Variants in PHACTR1 observed in about 807,000 individuals in gnomAD.
PHACTR1 encodes RPEL repeat containing 1.
A neutral mutation model predicts 69.2 loss-of-function variants in PHACTR1; 16 were observed. The ratio of observed to expected loss-of-function variants is 0.23; its 90% CI spans 0.16 to 0.35. PHACTR1 has a LOEUF of 0.35. Among genes scored for constraint, PHACTR1 ranks in the 10% least tolerant of loss-of-function variants. The pLI, the probability that PHACTR1 is intolerant of heterozygous loss-of-function variation, is 1.00. For missense variants in PHACTR1, 510 were observed against 734.7 expected (o/e 0.69, Z 3.54); for synonymous variants, 312 against 284.5 (o/e 1.10, Z -0.97).
rs147561723 is a variant in PHACTR1 at position 13,205,258 on chromosome 6, G to A, written c.665-557G>A. On this transcript the variant is annotated intron_variant, in intron 7 of 14. Transcript: ENST00000332995. ...CCCACTCTTCCTTGGGAACTAGTCC[G>A]TTCCTGGGAGAGCTCGAACTCGCTC... 1.1e-3 allele frequency among the ~76,000 whole-genome samples: 161 copies of A among 152,260 alleles called. 1 individual carries two copies. Among genetic ancestry groups the A allele is most frequent in the African/African-American group, 3.8e-3 (158 of 41,542 alleles).
chr6:12,729,500 C>T (rs1055503273), intron 3 of PHACTR1, among the ~76,000 whole-genome samples: 1 of 152,134 alleles, frequency 6.6e-6, no homozygotes, highest in African/African-American at 2.4e-5. Flanking sequence ...ATCTGGAGAA[C>T]TGCACGTGTT....
At chr6:12,902,761 T>C (rs1381941950) in intron 4 of PHACTR1, among the ~76,000 whole-genome samples, 1 of 152,198 alleles carries the variant, frequency 6.6e-6, no homozygotes, top group Non-Finnish European at 1.5e-5. Flanking sequence ...GAAGAACATA[T>C]AACTGGCCTG....
chr6:13,286,018 GA>G (rs1175129020), intron 13 of PHACTR1, 127 bp from the exon 14 acceptor site: 2 of 728,360 alleles, frequency 2.7e-6, no homozygotes, highest in East Asian at 6.2e-5. Context: ...TCCTCCCAAT[GA>G]AAGAATCCAT....
Position 13,143,960 on chromosome 6 carries a change from TATG to T in PHACTR1, c.416-16241_416-16239del, listed in dbSNP as rs1418919377. On this transcript the variant is annotated intron_variant, in intron 5 of 14. Coordinates refer to ENST00000332995, the MANE Select transcript of PHACTR1 (RefSeq NM_030948.6). ...GTTAGCAGAATAAAGGGGAATATCT[TATG>T]ATCAATTCATAGGTGCAGATAAAAT... Among the ~76,000 whole-genome samples the T allele has an allele frequency of 5.3e-5, 8 of 152,302 alleles. No individual in the cohort carries two copies. In the East Asian group the frequency reaches 1.5e-3, roughly 29 times the overall value.
chr6:12,800,012 A>C (rs771452076), intron 4 of PHACTR1, among the ~76,000 whole-genome samples: 8 of 152,166 alleles, frequency 5.3e-5, no homozygotes, highest in Non-Finnish European at 1.0e-4. Flanking sequence ...CATTATTCTT[A>C]TTATTTCCAT....
At chr6:12,819,991 G>T (rs1013459465) in intron 4 of PHACTR1, among the ~76,000 whole-genome samples, 2 of 152,074 alleles carry the variant, frequency 1.3e-5, no homozygotes, top group Non-Finnish European at 2.9e-5. Flanking sequence ...TCATTTCCTA[G>T]GAAACAACTC....
chr6:13,090,215 C>G (rs572396302), intron 5 of PHACTR1, among the ~76,000 whole-genome samples: 1 of 151,888 alleles, frequency 6.6e-6, no homozygotes, highest in Non-Finnish European at 1.5e-5. Context: ...CCACCATGCC[C>G]GGCTAATGTT....
Position 12,987,210 on chromosome 6 carries a change from T to C in PHACTR1, c.251-66155T>C, listed in dbSNP as rs142930020. ...TTTTATTCTGCAGGTGAGTGAGAGA[T>C]AAGAAAGGCCTTTTTACAGCAGAAT... On this transcript the variant is annotated intron_variant, in intron 4 of 14. Transcript: ENST00000332995. 2.0e-5 allele frequency among the ~76,000 whole-genome samples: 3 copies of C among 152,186 alleles called. No individual in the cohort carries two copies. In the East Asian group the frequency reaches 5.8e-4, roughly 29 times the overall value.
At chr6:12,868,845 T>C (rs541886406) in intron 4 of PHACTR1, among the ~76,000 whole-genome samples, 1 of 152,092 alleles carries the variant, frequency 6.6e-6, no homozygotes, top group East Asian at 1.9e-4. Flanking sequence ...AATAGCTTCA[T>C]ATTGTCTTTT....
At chr6:13,160,180 TC>T (rs549663502) in intron 5 of PHACTR1, 23 bp from the exon 6 acceptor site, 57 of 1,604,280 alleles carry the variant, frequency 3.6e-5, no homozygotes, top group Middle Eastern at 1.6e-4. Flanking sequence ...CACATCTGCC[TC>T]CCTGTTTGTC....
chr6:12,903,906 G>T (rs111969884), intron 4 of PHACTR1, among the ~76,000 whole-genome samples: 5,814 of 152,180 alleles, frequency 0.038, 162 homozygotes, highest in Non-Finnish European at 0.057. Flanking sequence ...TCCTGATAAT[G>T]CCATATGTTT....
At chr6:13,249,347 C>T (rs1295274027) in intron 10 of PHACTR1, among the ~76,000 whole-genome samples, 1 of 152,180 alleles carries the variant, frequency 6.6e-6, no homozygotes, top group African/African-American at 2.4e-5. Context: ...TCACCCCAAC[C>T]CCTGAAACCA....
At chr6:13,047,093 G>T (rs758870568) in intron 4 of PHACTR1, among the ~76,000 whole-genome samples, 2 of 152,138 alleles carry the variant, frequency 1.3e-5, no homozygotes, top group Non-Finnish European at 2.9e-5. Flanking sequence ...AAAAGGCAGC[G>T]CAGGCTGGCC....
intron 3 of PHACTR1, among the ~76,000 whole-genome samples, chr6:12,740,114 G>T (rs1424172056): frequency 6.6e-6 from 1 of 151,974 alleles, no homozygotes; most frequent in Non-Finnish European, 1.5e-5. Flanking sequence ...GGCATCTTTT[G>T]TTCGACATCA....
intron 4 of PHACTR1, among the ~76,000 whole-genome samples, chr6:12,754,861 A>T (rs1217101350): frequency 6.6e-6 from 1 of 152,252 alleles, no homozygotes; most frequent in Non-Finnish European, 1.5e-5. Context: ...TAAGTAATCT[A>T]GAGATAATTT....
chr6:12,944,783 A>ATTTTTTTTT (rs201376090), intron 4 of PHACTR1, among the ~76,000 whole-genome samples: 7 of 119,296 alleles, frequency 5.9e-5, no homozygotes, highest in South Asian at 2.7e-4. Context: ...ATTTATTTTT[A>ATTTTTTTTT]TTTATTTTTT....
chr6:12,936,518 A>G (rs1477723281), intron 4 of PHACTR1, among the ~76,000 whole-genome samples: 1 of 152,222 alleles, frequency 6.6e-6, no homozygotes, highest in African/African-American at 2.4e-5. Context: ...GAGAAGGTTC[A>G]AGGTAGAATA....
At chr6:13,231,090 G>GAAA (rs1385625903) in intron 10 of PHACTR1, among the ~76,000 whole-genome samples, 8,914 of 57,644 alleles carry the variant, frequency 0.15, 2,527 homozygotes, top group Non-Finnish European at 0.22. Context: ...GAAGGAAGAA[G>GAAA]GAAGGAAGGG....
chr6:13,150,350 A>T (rs1824116359), intron 5 of PHACTR1, among the ~76,000 whole-genome samples: 1 of 152,138 alleles, frequency 6.6e-6, no homozygotes, highest in Non-Finnish European at 1.5e-5. Flanking sequence ...TCAGAAAATA[A>T]TAATAATAAT....
Sources: allele counts gnomAD v4.1 joint callset (sites outside exome capture counted in the v4.1 genomes callset), GRCh38; gene constraint gnomAD v4.1.1; transcripts MANE v1.5; gene names NCBI Gene and HGNC (gene_info 2026-07-23, HGNC 2026-07-21).